The following CEP112 variants were observed in gnomAD, a reference collection of about 807,000 sequenced individuals.
CEP112 encodes the protein centrosomal protein of 112 kDa.
Under a neutral mutation model 153.0 loss-of-function variants are expected in CEP112, and 127 were observed. The observed-to-expected ratio is 0.83, with a 90% CI of 0.72 to 0.96. The LOEUF is 0.96. Among genes scored for constraint, CEP112 ranks in the 40% least tolerant of loss-of-function variants. CEP112 has a pLI of 0.00. For synonymous variants in CEP112, 358 were observed against 374.4 expected, an observed-to-expected ratio of 0.96 and a Z score of 0.51; for missense variants, 1,089 against 1,101.2, an observed-to-expected ratio of 0.99 and a Z score of 0.16.
intron 21 of CEP112, among the ~76,000 whole-genome samples, chr17:65,806,468 G>A (rs1190413733): frequency 6.6e-6 from 1 of 152,188 alleles, no homozygotes; most frequent in Non-Finnish European, 1.5e-5. Context: ...GAGGTGATTA[G>A]ATCATGAGGG....
intron 12 of CEP112, among the ~76,000 whole-genome samples, chr17:66,040,257 G>A (rs1184053737): frequency 6.6e-6 from 1 of 151,962 alleles, no homozygotes; most frequent in Non-Finnish European, 1.5e-5. Context: ...CTTTTTGTAG[G>A]TATGTAGAGA....
At chr17:65,951,915 G>A (rs765757634) in intron 18 of CEP112, among the ~76,000 whole-genome samples, 4 of 151,900 alleles carry the variant, frequency 2.6e-5, no homozygotes, top group Non-Finnish European at 5.9e-5. Context: ...ATCTTGATAT[G>A]CCATATTTTT....
rs62063561 is a variant in CEP112, at chr17:65,671,477, G to T, written c.2697+17652C>A. ...CCTGCATATGCAAGAGGACTTGGAG[G>T]CTTTCTGTCTCTCATTGGTACAAAC... On this transcript the variant is annotated intron_variant, in intron 24 of 26. Transcript: ENST00000535342. Among the ~76,000 whole-genome samples the T allele has an allele frequency of 3.6e-3, 542 of 152,276 alleles. 1 individual carries two copies. Among genetic ancestry groups the T allele is most frequent in the Non-Finnish European group, 5.9e-3 (399 of 68,024 alleles).
chr17:65,871,922 G>A (rs1264849078), intron 20 of CEP112, among the ~76,000 whole-genome samples: 2 of 152,132 alleles, frequency 1.3e-5, no homozygotes, highest in Non-Finnish European at 1.5e-5. Flanking sequence ...TTACATCAAC[G>A]AAGCAACCCC....
intron 23 of CEP112, among the ~76,000 whole-genome samples, chr17:65,712,671 C>T (rs1319612799): frequency 6.6e-6 from 1 of 152,096 alleles, no homozygotes; most frequent in Admixed American, 6.6e-5. Context: ...CAAAAAAAAC[C>T]CTCTGCTTTT....
chr17:66,023,560 G>GC (rs2145646039), intron 16 of CEP112, among the ~76,000 whole-genome samples: 1 of 152,178 alleles, frequency 6.6e-6, no homozygotes, highest in South Asian at 2.1e-4. Flanking sequence ...TATAATAAAT[G>GC]CTCAAAGGAG....
intron 18 of CEP112, among the ~76,000 whole-genome samples, chr17:65,948,576 T>A (rs1035773550): frequency 8.9e-5 from 10 of 112,530 alleles, no homozygotes; most frequent in Non-Finnish European, 1.7e-4. Flanking sequence ...AAATATGATT[T>A]TATATATATA....
chr17:65,807,243 A>C (rs766056841), intron 21 of CEP112, among the ~76,000 whole-genome samples: 1 of 152,232 alleles, frequency 6.6e-6, no homozygotes, highest in Non-Finnish European at 1.5e-5. Flanking sequence ...GAAATTTCTA[A>C]GCAGCAAAGC....
At chr17:66,099,060 T>C (rs1320256325) in intron 6 of CEP112, among the ~76,000 whole-genome samples, 1 of 152,004 alleles carries the variant, frequency 6.6e-6, no homozygotes, top group East Asian at 1.9e-4. Context: ...TTGGAAACTA[T>C]GAAGAACCAG....
intron 1 of CEP112, among the ~76,000 whole-genome samples, chr17:66,188,665 C>A (rs2073045621): frequency 6.6e-6 from 1 of 151,760 alleles, no homozygotes; most frequent in South Asian, 2.1e-4. Flanking sequence ...AAGGCAGGGA[C>A]CATGATTTAC....
chr17:65,764,328 C>T (rs549555194), intron 21 of CEP112, among the ~76,000 whole-genome samples: 45 of 152,312 alleles, frequency 3.0e-4, no homozygotes, highest in African/African-American at 1.0e-3. Context: ...GTCTCATTAT[C>T]GGTCTGTTGT....
In CEP112 at chr17:65,874,532, G is replaced by A. The variant is rs2058761385; in HGVS notation, c.2164-22498C>T. On this transcript the variant is annotated intron_variant, in intron 20 of 26. Transcript: ENST00000535342. ...AAGCACATGTTGGTTTCATCCAGAT[G>A]AAGGTACTTCCCATGTATTGGCAAA... 2.0e-5 allele frequency among the ~76,000 whole-genome samples: 3 copies of A among 152,044 alleles called. No individual in the cohort carries two copies. The South Asian group carries it at 6.2e-4, about 31-fold the overall frequency.
At chr17:65,970,142 T>G (rs2062617300) in intron 17 of CEP112, among the ~76,000 whole-genome samples, 1 of 152,182 alleles carries the variant, frequency 6.6e-6, no homozygotes, top group Admixed American at 6.5e-5. Flanking sequence ...CATTTATGTA[T>G]TTTGCATGTG....
chr17:66,015,529 C>T (rs2064732938), intron 16 of CEP112, among the ~76,000 whole-genome samples: 1 of 152,154 alleles, frequency 6.6e-6, no homozygotes, highest in East Asian at 1.9e-4. Flanking sequence ...GTTGCCTTTA[C>T]ACATGAAGGA....
chr17:66,140,894 G>A (rs190275445), intron 4 of CEP112, among the ~76,000 whole-genome samples: 7 of 151,972 alleles, frequency 4.6e-5, no homozygotes, highest in East Asian at 3.9e-4. Context: ...TGATCTGCCC[G>A]CCTCAGCCTC....
At chr17:65,924,579 A>C (rs1227103453) in intron 19 of CEP112, among the ~76,000 whole-genome samples, 1 of 152,182 alleles carries the variant, frequency 6.6e-6, no homozygotes. Flanking sequence ...TCTTCTAATA[A>C]AAAGTAACAG....
intron 21 of CEP112, among the ~76,000 whole-genome samples, chr17:65,823,815 G>A (rs895084003): frequency 1.3e-5 from 2 of 152,098 alleles, no homozygotes; most frequent in Non-Finnish European, 1.5e-5. Context: ...GATTTCAATA[G>A]ATACTTCACC....
At position 66,027,534 on chromosome 17, in the gene CEP112, C is replaced by T; in HGVS notation, c.1623G>A (p.Glu541=). 7.6e-7 allele frequency: 1 copy of T among 1,310,568 alleles called. No individual in the cohort carries two copies. The highest frequency in any genetic ancestry group is 1.0e-6 in the Non-Finnish European group (1 of 980,064). The allele number at this position is 1,310,568 out of a possible 1,614,324, so 81.2% of individuals were successfully genotyped here. Residue 541 remains glutamate (E), a synonymous_variant, in exon 16 of 27, where the codon GAG becomes GAA. Transcript: ENST00000535342. The part of the protein sequence containing the change: ...LRDQENKFQM[E]KSHLKHIYEK... ...CATAGATGTGTTTTAAATGACTTTT[C>T]TCCATCTGAAACTTATTTTCTTGAT...
In CEP112 at chr17:66,161,056, T is replaced by C. The variant is rs79331396; in HGVS notation, c.470+13988A>G. ...TAGACACTTCTCAAAAGAAGGTATT[T>C]ATGCCACCAACAAACATACGAAAAA... On this transcript the variant is annotated intron_variant, in intron 4 of 26. Transcript: ENST00000535342. Among the ~76,000 whole-genome samples, 135 of 151,840 alleles carry C rather than the reference T, an allele frequency of 8.9e-4. No homozygotes were observed. In the East Asian group the frequency reaches 0.025, roughly 28 times the overall value.
Sources: gnomAD v4.1 joint callset for allele counts (sites outside exome capture counted in the v4.1 genomes callset) on GRCh38, gnomAD v4.1.1 for gene constraint, MANE v1.5 for transcripts, NCBI Gene and HGNC (gene_info 2026-07-23, HGNC 2026-07-21) for gene names.